The following TRPC7 variants were observed in gnomAD, a reference collection of about 807,000 sequenced individuals.
The protein encoded by TRPC7 is short transient receptor potential channel 7.
In TRPC7, 42 loss-of-function variants were observed where a neutral mutation model predicts 90.1. The ratio of observed to expected loss-of-function variants is 0.47; its 90% confidence interval spans 0.36 to 0.60. The LOEUF is 0.60. Among genes scored for constraint, TRPC7 ranks in the 20% least tolerant of loss-of-function variants. The pLI is 0.00. For missense variants in TRPC7, 955 were observed against 1,112.3 expected, an observed-to-expected ratio of 0.86 and a Z score of 2.01; for synonymous variants, 451 against 436.3, an observed-to-expected ratio of 1.03 and a Z score of -0.42.
chr5:136,264,341 G>T (rs1722831934), intron 5 of TRPC7, among the ~76,000 whole-genome samples: 1 of 152,208 alleles, frequency 6.6e-6, no homozygotes, highest in Non-Finnish European at 1.5e-5. Context: ...AAATGGGGTA[G>T]GTGGGTGATT....
At chr5:136,289,320 A>G (rs1407868037) in intron 3 of TRPC7, among the ~76,000 whole-genome samples, 1 of 152,250 alleles carries the variant, frequency 6.6e-6, no homozygotes, top group Admixed American at 6.5e-5. Context: ...GCAGTGCACC[A>G]TGCGTGAGCC....
chr5:136,246,872 A>G (rs1215988571), intron 7 of TRPC7, among the ~76,000 whole-genome samples: 2 of 152,172 alleles, frequency 1.3e-5, no homozygotes, highest in Non-Finnish European at 2.9e-5. Flanking sequence ...AGAAGGTACT[A>G]TTATTATCAC....
chr5:136,218,086 ATAT>A (rs1246583916), intron 10 of TRPC7, among the ~76,000 whole-genome samples: 1 of 146,324 alleles, frequency 6.8e-6, no homozygotes, highest in Non-Finnish European at 1.5e-5. Flanking sequence ...GATATATAAT[ATAT>A]GAGATATATA....
intron 3 of TRPC7, 73 bp downstream of exon 3, chr5:136,315,524 G>C: frequency 1.3e-6 from 2 of 1,521,172 alleles, no homozygotes; most frequent in Non-Finnish European, 1.8e-6. Flanking sequence ...AAATAGACAT[G>C]AGCAAAAAGC....
In TRPC7 at chr5:136,356,910, G is replaced by A; in HGVS notation, c.478C>T (p.Arg160Cys). 1 of 1,613,820 alleles carries A rather than the reference G, an allele frequency of 6.2e-7. No individual in the cohort carries two copies. The highest frequency in any genetic ancestry group is 8.5e-7 in the Non-Finnish European group (1 of 1,179,954). ...DFYAYDEDGT[R>C]FSHDITPIIL... ...ATGGGCGTGATGTCGTGGGAGAAGC[G>A]CGTGCCGTCCTCGTCGTAGGCATAG... Residue 160 changes from arginine to cysteine, a missense_variant, in exon 2 of 12, where the codon CGC becomes TGC. Physicochemically the swap from Arg to Cys is radical, Grantham distance 180. Transcript: ENST00000513104.
intron 3 of TRPC7, among the ~76,000 whole-genome samples, chr5:136,305,657 C>T (rs1758596926): frequency 6.6e-6 from 1 of 152,112 alleles, no homozygotes; most frequent in African/African-American, 2.4e-5. Flanking sequence ...TCATTTCTTC[C>T]CTTCTGTCAG....
chr5:136,318,595 C>T (rs1028875143), intron 2 of TRPC7, among the ~76,000 whole-genome samples: 1 of 152,176 alleles, frequency 6.6e-6, no homozygotes, highest in Admixed American at 6.5e-5. Context: ...GAAGATGACC[C>T]TCACATTCCC....
intron 3 of TRPC7, among the ~76,000 whole-genome samples, chr5:136,278,477 G>C (rs1757442977): frequency 6.6e-6 from 1 of 152,222 alleles, no homozygotes; most frequent in African/African-American, 2.4e-5. Flanking sequence ...GCTGAAAGTG[G>C]TTTGCTAGGA....
chr5:136,293,899 G>T lies in TRPC7; in HGVS notation c.964-19062C>A, dbSNP rs186688200. ...TACCTGACTTCAAACTATACTACAA[G>T]CCTACAGTAACCAAAACAGCATGAT... is the stretch of plus-strand genomic sequence containing the variant. On this transcript the variant is annotated intron_variant, in intron 3 of 11. Coordinates refer to ENST00000513104, the MANE Select transcript of TRPC7 (RefSeq NM_020389.3). Among the ~76,000 whole-genome samples the T allele has an allele frequency of 1.3e-4, 20 of 152,272 alleles. No homozygotes were observed. In the South Asian group the frequency reaches 3.5e-3, roughly 27 times the overall value.
chr5:136,339,819 ATAAT>A (rs1759785450), intron 2 of TRPC7, among the ~76,000 whole-genome samples: 1 of 148,928 alleles, frequency 6.7e-6, no homozygotes, highest in African/African-American at 2.5e-5. Flanking sequence ...CAGCCTGGTG[ATAAT>A]TAAACTCTCT....
intron 2 of TRPC7, among the ~76,000 whole-genome samples, chr5:136,336,055 C>T (rs1192114545): frequency 6.6e-6 from 1 of 152,072 alleles, no homozygotes; most frequent in Non-Finnish European, 1.5e-5. Flanking sequence ...TGAGCCCGGT[C>T]ACACCTCTGC....
intron 3 of TRPC7, chr5:136,303,841 T>C (rs1580929027): frequency 6.6e-6 from 1 of 151,538 alleles, no homozygotes; most frequent in Non-Finnish European, 1.5e-5. Context: ...GAGCTTCGGG[T>C]AACTCTCACA....
chr5:136,319,839 T>A (rs1114708), intron 2 of TRPC7, among the ~76,000 whole-genome samples: 27,628 of 152,130 alleles, frequency 0.18, 3,378 homozygotes, highest in East Asian at 0.34. Flanking sequence ...ACTTTTTGCA[T>A]TCTTTGTTAA....
At chr5:136,359,909 A>G (rs796328980) in intron 1 of TRPC7, among the ~76,000 whole-genome samples, 3 of 152,290 alleles carry the variant, frequency 2.0e-5, no homozygotes, top group African/African-American at 2.4e-5. Context: ...ATTCTTAGCC[A>G]TCACAACTCA....
At chr5:136,362,880 C>T (rs1366548704) in intron 1 of TRPC7, among the ~76,000 whole-genome samples, 1 of 152,120 alleles carries the variant, frequency 6.6e-6, no homozygotes, top group East Asian at 1.9e-4. Context: ...CCCTGTACTC[C>T]TGATGCCTTG....
chr5:136,315,589 G>T lies in TRPC7; in HGVS notation c.963+8C>A. 6.2e-7 allele frequency: 1 copy of T among 1,613,338 alleles called. No individual in the cohort carries two copies. Among genetic ancestry groups the T allele is most frequent in the Non-Finnish European group, 8.5e-7 (1 of 1,179,448 alleles). ...GATGGGAAGACCAGGAGAGATGGGG[G>T]AGCTTACCTTCTTGACTTCATATTT... is the stretch of plus-strand genomic sequence containing the variant. On this transcript the variant is annotated splice_region_variant and intron_variant, in intron 3 of 11. Coordinates refer to ENST00000513104, the MANE Select transcript of TRPC7 (RefSeq NM_020389.3).
At chr5:136,291,752 G>T (rs1309797769) in intron 3 of TRPC7, among the ~76,000 whole-genome samples, 1 of 152,082 alleles carries the variant, frequency 6.6e-6, no homozygotes, top group Non-Finnish European at 1.5e-5. Context: ...AAGTTAACAA[G>T]GATATCCAGG....
At chr5:136,239,947 C>T (rs1217999258) in intron 7 of TRPC7, among the ~76,000 whole-genome samples, 1 of 152,170 alleles carries the variant, frequency 6.6e-6, no homozygotes, top group Non-Finnish European at 1.5e-5. Flanking sequence ...GCTTGGGCCT[C>T]CACTCTCACC....
At chr5:136,311,145 T>G (rs1758813273) in intron 3 of TRPC7, among the ~76,000 whole-genome samples, 1 of 152,152 alleles carries the variant, frequency 6.6e-6, no homozygotes, top group Non-Finnish European at 1.5e-5. Context: ...TGTCCCACTC[T>G]CCTAGAGGAC....
Sources: gnomAD v4.1 joint callset for allele counts (sites outside exome capture counted in the v4.1 genomes callset) on GRCh38, gnomAD v4.1.1 for gene constraint, MANE v1.5 for transcripts, NCBI Gene and HGNC (gene_info 2026-07-23, HGNC 2026-07-21) for gene names.